Variants in MYBPC2 observed in about 807,000 individuals in gnomAD.
MYBPC2 encodes myosin-binding protein C, fast-type.
A neutral mutation model predicts 137.0 loss-of-function variants in MYBPC2; 122 were observed. That is an observed-to-expected ratio of 0.89 (90% confidence interval 0.77 to 1.03). MYBPC2 has a LOEUF of 1.03. MYBPC2 is among the 50% of genes least tolerant of loss of function. The pLI is 0.00. For synonymous variants in MYBPC2, 626 were observed against 612.3 expected, an observed-to-expected ratio of 1.02 and a Z score of -0.33; for missense variants, 1,500 against 1,534.4, an observed-to-expected ratio of 0.98 and a Z score of 0.37.
In MYBPC2 at chr19:50,435,850, T is replaced by G; in HGVS notation, c.184T>G (p.Ser62Ala). 1 of 1,597,478 alleles carries G rather than the reference T, an allele frequency of 6.3e-7. No homozygotes were observed. The highest frequency in any genetic ancestry group is 8.5e-7 in the Non-Finnish European group (1 of 1,171,694). ...GVFLKKPDSV[S>A]VETGKDAVVV... ...TTTCCTGAAGAAGCCGGACTCCGTC[T>G]CAGTGGAGACTGGTGAGGGGAACCC... Residue 62 changes from serine (S) to alanine (A), a missense_variant, in exon 3 of 28, where the codon TCA becomes GCA. By Grantham distance (99) the Ser-to-Ala change is moderately conservative. Transcript: ENST00000357701. The surrounding 1 kb of genome is among the most constrained non-coding windows in gnomAD (Gnocchi z 4.8).
intron 20 of MYBPC2, among the ~76,000 whole-genome samples, chr19:50,456,410 A>G (rs12980372): frequency 0.047 from 6,939 of 146,140 alleles, 193 homozygotes; most frequent in East Asian, 0.11. Context: ...CCATCTGTCC[A>G]TATTTCCTTC....
At chr19:50,433,034 G>C in intron 1 of MYBPC2, 62 bp downstream of exon 1, 1 of 1,517,742 alleles carries the variant, frequency 6.6e-7, no homozygotes, top group Non-Finnish European at 8.8e-7. Context: ...TGGGGATTTG[G>C]GACCCCTCTG....
intron 16 of MYBPC2, among the ~76,000 whole-genome samples, chr19:50,453,778 G>C (rs1400805360): frequency 2.6e-5 from 4 of 152,050 alleles, no homozygotes; most frequent in Non-Finnish European, 5.9e-5. Flanking sequence ...AACCTCAGTT[G>C]ATCTACCCGC....
Position 50,445,875 on chromosome 19 carries a change from C to G in MYBPC2, c.1134-5C>G, listed in dbSNP as rs1286954532. ...CACATCCCGTTCTGTGTCTCACCCA[C>G]CTAGGATGAAAGATGGTGTGGAACT... On this transcript the variant is annotated splice_polypyrimidine_tract_variant and splice_region_variant and intron_variant, in intron 11 of 27. Transcript: ENST00000357701. 2 of 1,601,438 alleles carry G rather than the reference C, an allele frequency of 1.2e-6. No individual in the cohort carries two copies. Among genetic ancestry groups the G allele is most frequent in the South Asian group, 1.1e-5 (1 of 88,616 alleles).
rs377510163 is a variant in MYBPC2, at chr19:50,454,035, G to A, written c.1765G>A (p.Glu589Lys). 3.1e-6 allele frequency: 5 copies of A among 1,604,046 alleles called. No homozygotes were observed. Among genetic ancestry groups the A allele is most frequent in the South Asian group, 2.2e-5 (2 of 89,204 alleles). The change falls in exon 17 of 28, where the codon GAG (glutamate) becomes AAG (lysine). Residue 589 changes from glutamate to lysine, a missense_variant. Glu to Lys is a moderately conservative substitution (Grantham distance 56). Transcript: ENST00000357701. Reference sequence around the variant, plus strand: ...CTGCGTTCAGGTATTCACGACCACCGAGGGCAGGACCCGCATCGAGAAGCG... The same window carrying A: ...CTGCGTTCAGGTATTCACGACCACCAAGGGCAGGACCCGCATCGAGAAGCG... ...LKGDEVFTTTEGRTRIEKRVD... is the reference protein window; with the variant it reads ...LKGDEVFTTTKGRTRIEKRVD...
intron 12 of MYBPC2, among the ~76,000 whole-genome samples, chr19:50,447,196 T>C (rs1196876149): frequency 6.6e-6 from 1 of 151,896 alleles, no homozygotes; most frequent in Non-Finnish European, 1.5e-5. Flanking sequence ...AAGAAACAGG[T>C]CTGTGGTCTG....
At position 50,459,282 on chromosome 19, in the gene MYBPC2, G is replaced by A. The variant is rs1387947267; in HGVS notation, c.2767G>A (p.Ala923Thr). ...SVQIENMKDT[A>T]TIRIRVVEKA... ...GCAGATCGAGAACATGAAGGACACC[G>A]CCACCATCCGCATCCGCGTTGTGGG... Residue 923 changes from alanine to threonine, a missense_variant, in exon 23 of 28, where the codon GCC becomes ACC. Transcript: ENST00000357701. 41 of 1,607,366 alleles carry A rather than the reference G, an allele frequency of 2.6e-5. No homozygotes were observed. Among genetic ancestry groups the A allele is most frequent in the Non-Finnish European group, 3.3e-5 (39 of 1,177,506 alleles).
rs1350234499 is a variant in MYBPC2 at position 50,459,298 on chromosome 19, G to A, written c.2783G>A (p.Arg928His). ...AAGGACACCGCCACCATCCGCATCC[G>A]CGTTGTGGGTGCGCGCGCTGGGGAG... ...NMKDTATIRIRVVEKAGPPIN... is the reference protein window; with the variant it reads ...NMKDTATIRIHVVEKAGPPIN... Residue 928 changes from arginine to histidine, a missense_variant, in exon 23 of 28, where the codon CGC (arginine) becomes CAC (histidine). Physicochemically the swap from Arg to His is conservative, Grantham distance 29. Coordinates refer to ENST00000357701, the MANE Select transcript of MYBPC2 (RefSeq NM_004533.4). 6.2e-7 allele frequency: 1 copy of A among 1,602,784 alleles called. No individual in the cohort carries two copies. The highest frequency in any genetic ancestry group is 2.2e-5 in the East Asian group (1 of 44,506).
chr19:50,453,845 T>C (rs531025950), intron 16 of MYBPC2, among the ~76,000 whole-genome samples, 175 bp from the exon 17 acceptor site: 85 of 152,114 alleles, frequency 5.6e-4, no homozygotes, highest in African/African-American at 2.0e-3. Flanking sequence ...CCGTCCAGTC[T>C]GGTGCTTTTA....
intron 26 of MYBPC2, among the ~76,000 whole-genome samples, chr19:50,462,643 G>C (rs1027683363): frequency 3.3e-5 from 5 of 151,538 alleles, no homozygotes; most frequent in Admixed American, 6.6e-5. Flanking sequence ...GCAGTGGTGC[G>C]ATCTTGGCTC....
At chr19:50,439,487 CTCTCTCACCCATCAACCATCT>C (rs2122581495) in intron 7 of MYBPC2, among the ~76,000 whole-genome samples, 1 of 152,156 alleles carries the variant, frequency 6.6e-6, no homozygotes, top group African/African-American at 2.4e-5. Flanking sequence ...CATTCACTCA[CTCTCTCACCCATCAACCATCT>C]TCTGAGGCCT....
chr19:50,444,879 CAAAAA>C (rs34557075), intron 11 of MYBPC2, among the ~76,000 whole-genome samples: 2 of 67,272 alleles, frequency 3.0e-5, no homozygotes, highest in Non-Finnish European at 2.9e-5. Flanking sequence ...GACTCCGTCT[CAAAAA>C]AAAAAAAAAA....
chr19:50,459,072 G>A, intron 22 of MYBPC2, 39 bp from the exon 23 acceptor site: 5 of 1,556,334 alleles, frequency 3.2e-6, no homozygotes, highest in Non-Finnish European at 4.3e-6. Flanking sequence ...TGCGGGTGGA[G>A]CCCCGCTGAC....
intron 1 of MYBPC2, among the ~76,000 whole-genome samples, chr19:50,433,334 G>A (rs1451938780): frequency 6.6e-6 from 1 of 151,988 alleles, no homozygotes; most frequent in Non-Finnish European, 1.5e-5. Flanking sequence ...TGTAAATTGG[G>A]TTCCTTTTGC....
chr19:50,452,303 G>T (rs1367064955), intron 16 of MYBPC2, among the ~76,000 whole-genome samples: 1 of 152,084 alleles, frequency 6.6e-6, no homozygotes, highest in Non-Finnish European at 1.5e-5. Flanking sequence ...CAACTAATTG[G>T]TTAATTCACC....
chr19:50,446,381 C>T (rs1309221256), intron 12 of MYBPC2, among the ~76,000 whole-genome samples: 5 of 151,410 alleles, frequency 3.3e-5, no homozygotes, highest in Admixed American at 2.0e-4. Context: ...GGCATTGCGG[C>T]GTGCACCTGT....
rs28570459 is a variant in MYBPC2 at position 50,465,161 on chromosome 19, G to A, written c.3415+629G>A. Among the ~76,000 whole-genome samples the A allele has an allele frequency of 0.012, 1,864 of 151,842 alleles. 38 individuals carry two copies. Among genetic ancestry groups the A allele is most frequent in the African/African-American group, 0.043 (1,779 of 41,416 alleles). On this transcript the variant is annotated intron_variant, in intron 27 of 27. Coordinates refer to ENST00000357701, the MANE Select transcript of MYBPC2 (RefSeq NM_004533.4). This position sits in a 1 kb window ranked among gnomAD's most constrained non-coding sequence, Gnocchi z 4.5. Reference sequence around the variant, plus strand: ...TCTGCCCCAGCCCTGATCCCAGCCCGCTGGGGACTCCCCACCGCCCCAGCG... The same window carrying A: ...TCTGCCCCAGCCCTGATCCCAGCCCACTGGGGACTCCCCACCGCCCCAGCG...
intron 13 of MYBPC2, among the ~76,000 whole-genome samples, chr19:50,450,063 G>A (rs959959658): frequency 6.6e-6 from 1 of 152,010 alleles, no homozygotes; most frequent in African/African-American, 2.4e-5. Flanking sequence ...AGGCTGGGGT[G>A]GGAAAATCAT....
chr19:50,464,642 A>G, intron 27 of MYBPC2, 110 bp downstream of exon 27: 1 of 1,248,644 alleles, frequency 8.0e-7, no homozygotes, highest in Non-Finnish European at 1.1e-6. Flanking sequence ...GAGTGAGACC[A>G]GCCCTCTGGG....
Sources: gnomAD v4.1 joint callset for allele counts (sites outside exome capture counted in the v4.1 genomes callset) on GRCh38, gnomAD v4.1.1 for gene constraint, Gnocchi (gnomAD v3.1) non-coding constraint, MANE v1.5 for transcripts, NCBI Gene and HGNC (gene_info 2026-07-23, HGNC 2026-07-21) for gene names.